ANKRD30A: variants seen among roughly 807,000 people sequenced by gnomAD.
The protein encoded by ANKRD30A is ankyrin repeat domain 30A, also known as ankyrin repeat domain-containing protein 30A.
A neutral mutation model predicts 166.3 loss-of-function variants in ANKRD30A; 170 were observed. The observed-to-expected ratio is 1.02, with a 90% confidence interval of 0.90 to 1.16. ANKRD30A has a LOEUF of 1.16. ANKRD30A is among the 50% of genes most tolerant of loss of function. The pLI is 0.00. For missense variants in ANKRD30A, 1,630 were observed against 1,518.0 expected (o/e 1.07, Z -1.23); for synonymous variants, 564 against 508.9 (o/e 1.11, Z -1.46).
At chr10:37,166,865 C>G (rs1026361232) in intron 19 of ANKRD30A, among the ~76,000 whole-genome samples, 170 bp downstream of exon 19, 17 of 152,028 alleles carry the variant, frequency 1.1e-4, no homozygotes, top group African/African-American at 4.1e-4. Context: ...TGGCAACAGA[C>G]TATATTGTGA....
chr10:37,159,654 T>C (rs1004382966), intron 15 of ANKRD30A, among the ~76,000 whole-genome samples: 14 of 152,200 alleles, frequency 9.2e-5, no homozygotes, highest in African/African-American at 2.7e-4. Context: ...TTTGTTTTCA[T>C]GTCTTAAATT....
chr10:37,246,810 T>C, the ANKRD30A span, among the ~76,000 whole-genome samples: 1 of 152,194 alleles, frequency 6.6e-6, no homozygotes, highest in Non-Finnish European at 1.5e-5. Context: ...TGTTCCCTTG[T>C]ACATTGTAGG....
chr10:37,238,568 A>G, the ANKRD30A span, among the ~76,000 whole-genome samples: 1 of 152,188 alleles, frequency 6.6e-6, no homozygotes, highest in Non-Finnish European at 1.5e-5. Flanking sequence ...TTCAGTACAA[A>G]ATTAGACTAT....
At chr10:37,196,094 T>TC (rs1491470491) in intron 27 of ANKRD30A, among the ~76,000 whole-genome samples, 2 of 31,854 alleles carry the variant, frequency 6.3e-5, no homozygotes, top group African/African-American at 2.3e-4. Context: ...ATATTTTCTA[T>TC]TTTTTTTTTT....
At chr10:37,140,300 G>C (rs762535782) in intron 6 of ANKRD30A, among the ~76,000 whole-genome samples, 3 of 152,106 alleles carry the variant, frequency 2.0e-5, no homozygotes, top group Non-Finnish European at 4.4e-5. Flanking sequence ...ATAGTGACTC[G>C]TGTCACTAAA....
intron 34 of ANKRD30A, among the ~76,000 whole-genome samples, chr10:37,221,719 T>C (rs1325797317): frequency 6.6e-6 from 1 of 151,310 alleles, no homozygotes; most frequent in East Asian, 1.9e-4. Flanking sequence ...GAATTATACA[T>C]TGTTTAGCCC....
chr10:37,194,929 C>T (rs1401651119), intron 27 of ANKRD30A, among the ~76,000 whole-genome samples: 2 of 152,086 alleles, frequency 1.3e-5, no homozygotes, highest in African/African-American at 2.4e-5. Flanking sequence ...ATTTAAAATA[C>T]ACGAATTGGA....
At chr10:37,246,424 C>T in the ANKRD30A span, among the ~76,000 whole-genome samples, 5 of 152,294 alleles carry the variant, frequency 3.3e-5, no homozygotes, top group Admixed American at 1.3e-4. Context: ...GCTTAGGACT[C>T]TTTTAATCTG....
rs140013037 is a variant in ANKRD30A, at chr10:37,216,314, G to T, written c.3003G>T (p.Lys1001Asn). The change falls in exon 32 of 36, where the codon AAG becomes AAT. Residue 1001 changes from lysine (K) to asparagine (N), a missense_variant. Physicochemically the swap from Lys to Asn is moderately conservative, Grantham distance 94 (BLOSUM62 0). Transcript: ENST00000361713. ...AAAAGAAGTTTTGTGTACTGAAAAA[G>T]AAACTGTCAGAAGCAAAAGAAATAA... The part of the protein sequence containing the change: ...QMKKKFCVLK[K>N]KLSEAKEIKS... 2 of 1,608,666 alleles carry T rather than the reference G, an allele frequency of 1.2e-6. No individual in the cohort carries two copies. Among genetic ancestry groups the T allele is most frequent in the Non-Finnish European group, 1.7e-6 (2 of 1,176,520 alleles).
intron 13 of ANKRD30A, among the ~76,000 whole-genome samples, chr10:37,155,944 G>T (rs1275707093): frequency 6.6e-6 from 1 of 152,016 alleles, no homozygotes; most frequent in Non-Finnish European, 1.5e-5. Flanking sequence ...AGCCGGGCGT[G>T]GTGGTGGGTG....
chr10:37,178,713 GA>G (rs1343767426), intron 24 of ANKRD30A: 4 of 706,422 alleles, frequency 5.7e-6, no homozygotes, highest in Middle Eastern at 6.5e-4. Flanking sequence ...GAAAGAGTGG[GA>G]AAAAATAATT....
the ANKRD30A span, chr10:37,241,116 C>T: frequency 6.6e-6 from 1 of 151,908 alleles, no homozygotes; most frequent in Admixed American, 6.6e-5. Flanking sequence ...TCCTGACTTC[C>T]ACTTAGTTTA....
the ANKRD30A span, among the ~76,000 whole-genome samples, chr10:37,240,206 A>G: frequency 4.3e-4 from 65 of 152,240 alleles, 1 homozygote; most frequent in South Asian, 0.012. Flanking sequence ...TTAATTTGTC[A>G]TGTTCCATAT....
intron 34 of ANKRD30A, 83 bp from the exon 35 acceptor site, chr10:37,231,378 G>A (rs1317912206): frequency 1.7e-6 from 2 of 1,193,220 alleles, no homozygotes; most frequent in Non-Finnish European, 2.3e-6. Context: ...TTATAGAAGG[G>A]TTTTCTTTTT....
intron 27 of ANKRD30A, 38 bp from the exon 28 acceptor site, chr10:37,197,243 T>A: frequency 6.2e-7 from 1 of 1,606,506 alleles, no homozygotes; most frequent in Non-Finnish European, 8.5e-7. Flanking sequence ...CTTGTCATAT[T>A]TACTTATGAT....
At chr10:37,223,500 G>T (rs373466450) in intron 34 of ANKRD30A, among the ~76,000 whole-genome samples, 1 of 151,192 alleles carries the variant, frequency 6.6e-6, no homozygotes, top group East Asian at 1.9e-4. Flanking sequence ...TGCTTTGAGG[G>T]CATCTTTGGA....
chr10:37,193,221 AG>A lies in ANKRD30A; in HGVS notation c.2578del (p.Ala860ProfsTer2), dbSNP rs1840750911. On this transcript the variant is annotated frameshift_variant, in exon 27 of 36. Coordinates refer to ENST00000361713, the MANE Select transcript of ANKRD30A (RefSeq NM_052997.3). LOFTEE classifies it high-confidence loss of function. ...GAATGAAAGTTTCTATTCCAACTAAAGCCTTAGAATTGATGGACATGCAAAC... is the reference window on the plus strand; with the variant it reads ...GAATGAAAGTTTCTATTCCAACTAAACCTTAGAATTGATGGACATGCAAAC... ...CRMKVSIPTK[A>X]LELMDMQTFK... is the part of the protein sequence containing the mutation. 6.2e-7 allele frequency: 1 copy of A among 1,611,876 alleles called. No individual in the cohort carries two copies. Among genetic ancestry groups the A allele is most frequent in the African/African-American group, 1.3e-5 (1 of 74,696 alleles).
At chr10:37,199,083 A>G (rs1841400648) in intron 29 of ANKRD30A, among the ~76,000 whole-genome samples, 1 of 152,048 alleles carries the variant, frequency 6.6e-6, no homozygotes, top group African/African-American at 2.4e-5. Flanking sequence ...CTCTGAAGGC[A>G]TTGTTGCATT....
At chr10:37,228,979 G>A (rs187523333) in intron 34 of ANKRD30A, among the ~76,000 whole-genome samples, 1 of 152,066 alleles carries the variant, frequency 6.6e-6, no homozygotes, top group Admixed American at 6.6e-5. Context: ...GCTTGTCACT[G>A]TTCCTCTTAA....
Sources: gnomAD v4.1 joint callset for allele counts (sites outside exome capture counted in the v4.1 genomes callset) on GRCh38, gnomAD v4.1.1 for gene constraint, MANE v1.5 for transcripts, NCBI Gene and HGNC (gene_info 2026-07-23, HGNC 2026-07-21) for gene names.